Variants in L3MBTL3 observed in about 807,000 individuals in gnomAD.
L3MBTL3 encodes the protein lethal(3)malignant brain tumor-like protein 3.
In L3MBTL3, 27 loss-of-function variants were observed where a neutral mutation model predicts 102.3. The ratio of observed to expected loss-of-function variants is 0.26; its 90% confidence interval spans 0.19 to 0.36. L3MBTL3 has a LOEUF of 0.36. Ranked by LOEUF, L3MBTL3 falls within the 10% of genes least tolerant of loss-of-function variation. The pLI is 1.00. For synonymous variants in L3MBTL3, 340 were observed against 320.9 expected, an observed-to-expected ratio of 1.06 and a Z score of -0.64; for missense variants, 798 against 955.3, an observed-to-expected ratio of 0.84 and a Z score of 2.17.
chr6:130,075,104 C>T (rs556685896), intron 13 of L3MBTL3, among the ~76,000 whole-genome samples: 3 of 152,132 alleles, frequency 2.0e-5, no homozygotes, highest in South Asian at 2.1e-4. Flanking sequence ...ATGGGAAGGC[C>T]GTGGAGATGA....
intron 13 of L3MBTL3, among the ~76,000 whole-genome samples, chr6:130,077,856 A>G (rs1252222930): frequency 6.6e-6 from 1 of 152,140 alleles, no homozygotes; most frequent in African/African-American, 2.4e-5. Flanking sequence ...AACATTTTCC[A>G]GACTATGTTC....
At chr6:130,084,250 G>A (rs1198570119) in intron 15 of L3MBTL3, among the ~76,000 whole-genome samples, 3 of 152,024 alleles carry the variant, frequency 2.0e-5, no homozygotes, top group Non-Finnish European at 4.4e-5. Flanking sequence ...TCATTTCTAT[G>A]CAAGGAAGGA....
At chr6:130,037,758 A>G (rs905804373) in intron 2 of L3MBTL3, among the ~76,000 whole-genome samples, 8 of 152,218 alleles carry the variant, frequency 5.3e-5, no homozygotes, top group Middle Eastern at 3.4e-3. Context: ...CACTTCAAAT[A>G]CTTATCATTT....
At chr6:130,058,694 A>T (rs1035602595) in intron 9 of L3MBTL3, among the ~76,000 whole-genome samples, 2 of 152,182 alleles carry the variant, frequency 1.3e-5, no homozygotes, top group Admixed American at 1.3e-4. Flanking sequence ...TGTTGCAACG[A>T]CTCAGTTAGG....
chr6:130,046,619 G>A (rs1200161133), intron 3 of L3MBTL3, among the ~76,000 whole-genome samples: 1 of 152,182 alleles, frequency 6.6e-6, no homozygotes, highest in East Asian at 1.9e-4. Flanking sequence ...TGCAGAAAAA[G>A]TTAGCAGATG....
intron 3 of L3MBTL3, among the ~76,000 whole-genome samples, chr6:130,043,507 C>T (rs1780554507): frequency 6.6e-6 from 1 of 152,172 alleles, no homozygotes; most frequent in Non-Finnish European, 1.5e-5. Flanking sequence ...AACCAACTAC[C>T]CCCATCTCTC....
intron 17 of L3MBTL3, 22 bp from the exon 18 acceptor site, chr6:130,094,243 T>C: frequency 1.3e-6 from 2 of 1,586,654 alleles, no homozygotes; most frequent in African/African-American, 1.3e-5. Context: ...GCCCCTTCTT[T>C]CTTTTCTTTG....
intron 1 of L3MBTL3, among the ~76,000 whole-genome samples, chr6:130,021,982 G>C (rs1357029285): frequency 6.6e-6 from 1 of 152,166 alleles, no homozygotes; most frequent in African/African-American, 2.4e-5. Flanking sequence ...TCACCTGCCT[G>C]TCATATACAA....
At chr6:130,019,383 G>A (rs962151266) in intron 1 of L3MBTL3, 4 of 149,290 alleles carry the variant, frequency 2.7e-5, no homozygotes, top group African/African-American at 9.7e-5. Context: ...CCGCCCCTGC[G>A]GCCCCCTCCG....
chr6:130,130,627 A>G (rs1786944108), intron 20 of L3MBTL3, among the ~76,000 whole-genome samples: 1 of 152,240 alleles, frequency 6.6e-6, no homozygotes, highest in South Asian at 2.1e-4. Context: ...ATAAAAACAA[A>G]CTTTCTGCTT....
rs145992730 is a variant in L3MBTL3, at chr6:130,055,649, T to C, written c.667+394T>C. 3.6e-3 allele frequency among the ~76,000 whole-genome samples: 79 copies of C among 22,056 alleles called. 1 individual carries two copies. Among genetic ancestry groups the C allele is most frequent in the East Asian group, 0.021 (4 of 190 alleles). The allele number at this position is 22,056 out of a possible 152,430, so 14.5% of individuals were successfully genotyped here. On this transcript the variant is annotated intron_variant, in intron 8 of 22. Transcript: ENST00000361794. ...CTCCCTCCCTCCCTCCCTCCCTCTC[T>C]CTCCCTCCCTCCCTCTCTCTCCCTC...
intron 1 of L3MBTL3, among the ~76,000 whole-genome samples, chr6:130,021,062 T>C (rs1193706820): frequency 6.6e-6 from 1 of 152,056 alleles, no homozygotes; most frequent in Non-Finnish European, 1.5e-5. Flanking sequence ...GATGTCTTTA[T>C]TGGTTTAGGG....
chr6:130,043,004 G>A (rs1584306981), intron 3 of L3MBTL3, among the ~76,000 whole-genome samples: 1 of 152,300 alleles, frequency 6.6e-6, no homozygotes, highest in South Asian at 2.1e-4. Context: ...CTTGGATAAG[G>A]GGAGTAAGGA....
intron 3 of L3MBTL3, among the ~76,000 whole-genome samples, chr6:130,046,869 A>G (rs1222345991): frequency 3.3e-5 from 5 of 152,222 alleles, no homozygotes; most frequent in African/African-American, 1.2e-4. Context: ...TAGGAAATGT[A>G]TCAGTCTTTC....
Position 130,139,502 on chromosome 6 carries a change from T to G in L3MBTL3, c.2200-108T>G, listed in dbSNP as rs1245514504. On this transcript the variant is annotated intron_variant, in intron 22 of 22. Coordinates refer to ENST00000361794, the MANE Select transcript of L3MBTL3 (RefSeq NM_032438.4). ...ATTGCACACGTGAACTTCTCTGTGCTTTTTTAGCATTGCTATGTAGAAGAC... is the reference window on the plus strand; with the variant it reads ...ATTGCACACGTGAACTTCTCTGTGCGTTTTTAGCATTGCTATGTAGAAGAC... The G allele has an allele frequency of 4.0e-6, 4 of 1,010,352 alleles. No individual in the cohort carries two copies. The East Asian group carries it at 9.7e-5, about 24-fold the overall frequency. 62.6% of individuals were successfully genotyped at this position (1,010,352 alleles called of 1,614,324 possible).
chr6:130,107,351 C>T (rs1015002125), intron 19 of L3MBTL3, among the ~76,000 whole-genome samples: 4 of 152,022 alleles, frequency 2.6e-5, no homozygotes, highest in South Asian at 2.1e-4. Flanking sequence ...TCCCACATAA[C>T]CAGGATGCAG....
At chr6:130,086,084 C>A in intron 15 of L3MBTL3, 56 bp from the exon 16 acceptor site, 1 of 1,160,212 alleles carries the variant, frequency 8.6e-7, no homozygotes, top group Non-Finnish European at 1.3e-6. Flanking sequence ...TTTGTAACAT[C>A]AAGTTTACCT....
At chr6:130,136,710 C>G (rs1787720203) in intron 22 of L3MBTL3, among the ~76,000 whole-genome samples, 1 of 152,074 alleles carries the variant, frequency 6.6e-6, no homozygotes, top group Admixed American at 6.6e-5. Flanking sequence ...CTCTGCCTCC[C>G]AGGTTCAAGC....
At chr6:130,102,554 A>G (rs1403197166) in intron 18 of L3MBTL3, among the ~76,000 whole-genome samples, 1 of 152,180 alleles carries the variant, frequency 6.6e-6, no homozygotes, top group Non-Finnish European at 1.5e-5. Context: ...CTAAAAATAT[A>G]AAGTCCTGAC....
Sources: allele counts gnomAD v4.1 joint callset (sites outside exome capture counted in the v4.1 genomes callset), GRCh38; gene constraint gnomAD v4.1.1; transcripts MANE v1.5; gene names NCBI Gene and HGNC (gene_info 2026-07-23, HGNC 2026-07-21).